CNTN3: variants seen among roughly 807,000 people sequenced by gnomAD.
CNTN3 encodes contactin-3.
In CNTN3, 60 loss-of-function variants were observed where a neutral mutation model predicts 119.1. The observed-to-expected ratio is 0.50, with a 90% CI of 0.41 to 0.62. The LOEUF is 0.62. Among genes scored for constraint, CNTN3 ranks in the 20% least tolerant of loss-of-function variants. The pLI, the probability that CNTN3 is intolerant of heterozygous loss-of-function variation, is 0.00. For synonymous variants in CNTN3, 450 were observed against 438.7 expected, an observed-to-expected ratio of 1.03 and a Z score of -0.32; for missense variants, 1,101 against 1,242.4, an observed-to-expected ratio of 0.89 and a Z score of 1.71.
At chr3:74,347,400 C>T (rs1256033516) in intron 11 of CNTN3, among the ~76,000 whole-genome samples, 1 of 152,080 alleles carries the variant, frequency 6.6e-6, no homozygotes, top group African/African-American at 2.4e-5. Flanking sequence ...CACCAACATG[C>T]CTGGGTAATT....
At chr3:74,301,103 G>A (rs1364286787) in intron 16 of CNTN3, among the ~76,000 whole-genome samples, 1 of 152,138 alleles carries the variant, frequency 6.6e-6, no homozygotes, top group Non-Finnish European at 1.5e-5. Flanking sequence ...CTTGTTAACA[G>A]GGTAACTATG....
rs560902468 is a variant in CNTN3 at position 74,438,315 on chromosome 3, T to A, written c.359-13375A>T. Among the ~76,000 whole-genome samples the A allele has an allele frequency of 2.6e-5, 4 of 152,342 alleles. No individual in the cohort carries two copies. In the South Asian group the frequency reaches 8.3e-4, roughly 32 times the overall value. ...ATTTTGCACAAATTTCTTAGACACT[T>A]TGATACTTAGGATCTTAGTCTGAAA... On this transcript the variant is annotated intron_variant, in intron 4 of 22. Coordinates refer to ENST00000263665, the MANE Select transcript of CNTN3 (RefSeq NM_020872.3).
intron 2 of CNTN3, among the ~76,000 whole-genome samples, chr3:74,503,621 G>A (rs553858473): frequency 6.6e-6 from 1 of 152,176 alleles, no homozygotes; most frequent in African/African-American, 2.4e-5. Flanking sequence ...TCTTCAAAAT[G>A]AATTTTGATC....
intron 4 of CNTN3, among the ~76,000 whole-genome samples, chr3:74,434,279 T>A (rs956794895): frequency 3.1e-4 from 47 of 152,224 alleles, no homozygotes; most frequent in East Asian, 1.3e-3. Context: ...AACCTTAGCA[T>A]CCCAGATCTG....
chr3:74,557,167 T>G (rs1488698304), intron 1 of CNTN3, among the ~76,000 whole-genome samples: 1 of 152,214 alleles, frequency 6.6e-6, no homozygotes, highest in Non-Finnish European at 1.5e-5. Flanking sequence ...CTTTTTTCTT[T>G]TGTCACTTGG....
At chr3:74,366,759 CGTGTGTGT>C (rs35769290) in intron 8 of CNTN3, among the ~76,000 whole-genome samples, 1 of 79,080 alleles carries the variant, frequency 1.3e-5, no homozygotes, top group African/African-American at 5.5e-5. Context: ...TGTGTGTGTG[CGTGTGTGT>C]GTGTGTGTGT....
At chr3:74,302,579 A>C (rs972472189) in intron 14 of CNTN3, 111 bp downstream of exon 14, 16 of 671,964 alleles carry the variant, frequency 2.4e-5, no homozygotes, top group African/African-American at 5.4e-5. Flanking sequence ...GGGGGATGAA[A>C]TCAATATTAT....
chr3:74,371,347 ATCT>A lies in CNTN3; in HGVS notation c.504_506del (p.Glu168del). The A allele has an allele frequency of 5.0e-6, 8 of 1,613,490 alleles. No individual in the cohort carries two copies. Among genetic ancestry groups the A allele is most frequent in the Non-Finnish European group, 6.8e-6 (8 of 1,179,628 alleles). ...TCTCCTGGGAGACAAATCTCCGACT[ATCT>A]TCTTCAACAAACGATGGGTATTCAT... On this transcript the variant is annotated inframe_deletion, in exon 6 of 23. Transcript: ENST00000263665.
chr3:74,463,317 T>G (rs1702405279), intron 4 of CNTN3, among the ~76,000 whole-genome samples: 2 of 152,090 alleles, frequency 1.3e-5, no homozygotes, highest in Non-Finnish European at 2.9e-5. Context: ...TATCTGAAAA[T>G]GGCTGATAGA....
Position 74,334,874 on chromosome 3 carries a change from T to A in CNTN3, c.1529A>T (p.Asp510Val). 4 of 1,613,536 alleles carry A rather than the reference T, an allele frequency of 2.5e-6. No homozygotes were observed. The highest frequency in any genetic ancestry group is 3.4e-6 in the Non-Finnish European group (4 of 1,179,642). Residue 510 changes from aspartate to valine, a missense_variant, in exon 13 of 23, where the codon GAT (aspartate) becomes GTT (valine). By Grantham distance (152) the Asp-to-Val change is radical. Transcript: ENST00000263665. ...TATGACGCTTTCACCAACAGAAACATCCATGTTAGATGGTGCCAAAGTTAT... is the reference window on the plus strand; with the variant it reads ...TATGACGCTTTCACCAACAGAAACAACCATGTTAGATGGTGCCAAAGTTAT... ...TRITLAPSNM[D>V]VSVGESVILP...
At chr3:74,563,048 T>C (rs945603852) in intron 1 of CNTN3, among the ~76,000 whole-genome samples, 1 of 152,148 alleles carries the variant, frequency 6.6e-6, no homozygotes, top group African/African-American at 2.4e-5. Context: ...CACTGCATCA[T>C]GCAACTCAAT....
intron 4 of CNTN3, among the ~76,000 whole-genome samples, chr3:74,461,315 C>T (rs986551688): frequency 3.3e-5 from 5 of 151,928 alleles, no homozygotes; most frequent in African/African-American, 1.2e-4. Context: ...TTTGTTCATG[C>T]CATTTATCTA....
At chr3:74,595,497 A>G (rs927671428) in intron 1 of CNTN3, among the ~76,000 whole-genome samples, 2 of 152,098 alleles carry the variant, frequency 1.3e-5, no homozygotes, top group Non-Finnish European at 2.9e-5. Context: ...CACCATGATC[A>G]AGTGGGCTTC....
chr3:74,439,979 G>A (rs58048474), intron 4 of CNTN3, among the ~76,000 whole-genome samples: 29,256 of 152,026 alleles, frequency 0.19, 3,021 homozygotes, highest in Admixed American at 0.26. Flanking sequence ...CACCTACCCA[G>A]GAACCCCCTG....
intron 1 of CNTN3, among the ~76,000 whole-genome samples, chr3:74,541,539 T>C (rs1248833463): frequency 1.3e-5 from 2 of 152,020 alleles, no homozygotes; most frequent in African/African-American, 4.8e-5. Flanking sequence ...AACTTAACAA[T>C]TGTAGAGTTA....
At chr3:74,520,979 C>T in intron 2 of CNTN3, 79 bp downstream of exon 2, 2 of 731,516 alleles carry the variant, frequency 2.7e-6, no homozygotes, top group South Asian at 3.0e-5. Context: ...AGTTTTATTT[C>T]AACATCTAAA....
rs115988878 is a variant in CNTN3, at chr3:74,558,892, G to A, written c.-80-37700C>T. Among the ~76,000 whole-genome samples the A allele has an allele frequency of 4.2e-3, 644 of 151,854 alleles. 6 individuals carry two copies. Among genetic ancestry groups the A allele is most frequent in the African/African-American group, 0.015 (613 of 41,388 alleles). ...CCAGCTGTTCTGGAGGCTGAGACAT[G>A]AGAATCATTGAAACTGGGAGGTGGA... On this transcript the variant is annotated intron_variant, in intron 1 of 22. Transcript: ENST00000263665.
At chr3:74,375,931 G>T (rs1279573094) in intron 5 of CNTN3, among the ~76,000 whole-genome samples, 1 of 152,120 alleles carries the variant, frequency 6.6e-6, no homozygotes, top group Non-Finnish European at 1.5e-5. Flanking sequence ...TAGCCATCTC[G>T]CTGTGAATTC....
chr3:74,456,458 A>T (rs1329219223), intron 4 of CNTN3, among the ~76,000 whole-genome samples: 2 of 152,032 alleles, frequency 1.3e-5, no homozygotes, highest in African/African-American at 4.8e-5. Context: ...TGATCTCAAC[A>T]GGAGGGGAAT....
Sources: gnomAD v4.1 joint callset for allele counts (sites outside exome capture counted in the v4.1 genomes callset) on GRCh38, gnomAD v4.1.1 for gene constraint, MANE v1.5 for transcripts, NCBI Gene and HGNC (gene_info 2026-07-23, HGNC 2026-07-21) for gene names.